The following EFCAB6 variants were observed in gnomAD, a reference collection of about 807,000 sequenced individuals.
The protein encoded by EFCAB6 is EF-hand calcium binding domain 6.
Under a neutral mutation model 169.8 loss-of-function variants are expected in EFCAB6, and 156 were observed. The ratio of observed to expected loss-of-function variants is 0.92; its 90% CI spans 0.81 to 1.05. The LOEUF (loss-of-function observed/expected upper bound fraction) is 1.05. Among genes scored for constraint, EFCAB6 ranks in the 50% least tolerant of loss-of-function variants. The pLI is 0.00. For synonymous variants in EFCAB6, 698 were observed against 676.4 expected (o/e 1.03, Z -0.50); for missense variants, 1,800 against 1,829.1 (o/e 0.98, Z 0.29).
chr22:43,772,328 T>C (rs1451094489), intron 4 of EFCAB6, among the ~76,000 whole-genome samples: 1 of 152,136 alleles, frequency 6.6e-6, no homozygotes, highest in Non-Finnish European at 1.5e-5. Context: ...CAAATACATT[T>C]ATATGGACCC....
intron 30 of EFCAB6, among the ~76,000 whole-genome samples, chr22:43,533,153 G>C (rs1360226544): frequency 3.9e-5 from 6 of 152,168 alleles, no homozygotes; most frequent in Admixed American, 3.9e-4. Context: ...AGTGGCTTTA[G>C]GTTTTCATTC....
chr22:43,602,604 A>G (rs552500196), intron 22 of EFCAB6, among the ~76,000 whole-genome samples: 1 of 152,260 alleles, frequency 6.6e-6, no homozygotes, highest in South Asian at 2.1e-4. Flanking sequence ...GGACAATGTA[A>G]TAATGCAACT....
intron 8 of EFCAB6, among the ~76,000 whole-genome samples, chr22:43,729,999 ATTT>A (rs201344400): frequency 6.8e-6 from 1 of 146,228 alleles, no homozygotes; most frequent in Non-Finnish European, 1.5e-5. Context: ...TGTCTCTAGA[ATTT>A]TTTTTTTTAA....
At chr22:43,544,065 C>T (rs1276628868) in intron 27 of EFCAB6, among the ~76,000 whole-genome samples, 1 of 152,000 alleles carries the variant, frequency 6.6e-6, no homozygotes, top group African/African-American at 2.4e-5. Context: ...ACAACTACTT[C>T]TTCACTCCAC....
intron 27 of EFCAB6, among the ~76,000 whole-genome samples, chr22:43,546,009 A>C (rs758421184): frequency 6.6e-6 from 1 of 152,222 alleles, no homozygotes; most frequent in Non-Finnish European, 1.5e-5. Flanking sequence ...ACAGATTTAG[A>C]CTTCAGATAT....
At chr22:43,695,231 T>A (rs2058532463) in intron 10 of EFCAB6, among the ~76,000 whole-genome samples, 1 of 152,014 alleles carries the variant, frequency 6.6e-6, no homozygotes, top group Non-Finnish European at 1.5e-5. Flanking sequence ...AAAATGAAAT[T>A]TTAAAAAATT....
rs1345395622 is a variant in EFCAB6 at position 43,628,914 on chromosome 22, C to G, written c.2233-2235G>C. 6.6e-6 allele frequency among the ~76,000 whole-genome samples: 1 copy of G among 152,194 alleles called. No individual in the cohort carries two copies. Among genetic ancestry groups the G allele is most frequent in the Non-Finnish European group, 1.5e-5 (1 of 68,044 alleles). ...GATCTGTTCCCTGTTGCAGCTCCAG[C>G]TCTCCGAGCCATGCTCACCATAACG... is the stretch of plus-strand genomic sequence containing the variant. On this transcript the variant is annotated intron_variant, in intron 19 of 31. Transcript: ENST00000262726. The surrounding 1 kb of genome is among the most constrained non-coding windows in gnomAD (Gnocchi z 4.8).
intron 17 of EFCAB6, among the ~76,000 whole-genome samples, chr22:43,666,482 T>C (rs1299462738): frequency 6.6e-6 from 1 of 152,234 alleles, no homozygotes; most frequent in Non-Finnish European, 1.5e-5. Flanking sequence ...TGGACACTGC[T>C]ACATATTAAC....
chr22:43,672,133 C>G lies in EFCAB6; in HGVS notation c.1480G>C (p.Val494Leu), dbSNP rs1355890939. The stretch of plus-strand genomic sequence containing the variant: ...ATTGTATCATGAACAATTTCTTCCA[C>G]CTAACATTAAAAAACAAACATATTT... ...KTPFLLAWDS[V>L]EEIVHDTITR... The change falls in exon 15 of 32, where the codon GTG (valine) becomes CTG (leucine). Residue 494 changes from valine (V) to leucine (L), a missense_variant and splice_region_variant. Coordinates refer to ENST00000262726, the MANE Select transcript of EFCAB6 (RefSeq NM_022785.4). The G allele has an allele frequency of 6.2e-7, 1 of 1,612,814 alleles. No homozygotes were observed. The highest frequency in any genetic ancestry group is 1.3e-5 in the African/African-American group (1 of 74,768).
intron 10 of EFCAB6, among the ~76,000 whole-genome samples, chr22:43,705,831 T>C (rs1269941371): frequency 6.6e-6 from 1 of 151,062 alleles, no homozygotes; most frequent in African/African-American, 2.4e-5. Context: ...CTCAAGGAAA[T>C]AGAAAAAAAG....
At chr22:43,540,516 T>G (rs2047647398) in intron 27 of EFCAB6, 159 bp from the exon 28 acceptor site, 2 of 1,532,334 alleles carry the variant, frequency 1.3e-6, no homozygotes, top group African/African-American at 2.7e-5. Flanking sequence ...CCATTTGGCC[T>G]TCGCTCGGCG....
At chr22:43,700,749 A>C (rs2058738562) in intron 10 of EFCAB6, among the ~76,000 whole-genome samples, 1 of 152,188 alleles carries the variant, frequency 6.6e-6, no homozygotes, top group Non-Finnish European at 1.5e-5. Context: ...TCTTTCACTT[A>C]GCACAATGTC....
intron 17 of EFCAB6, among the ~76,000 whole-genome samples, chr22:43,647,543 T>C (rs1006737410): frequency 1.1e-4 from 16 of 152,182 alleles, no homozygotes; most frequent in African/African-American, 2.4e-4. Context: ...GTCGGTTGAA[T>C]TGTGTACCCC....
At chr22:43,695,635 T>C (rs1174727113) in intron 10 of EFCAB6, among the ~76,000 whole-genome samples, 3 of 152,082 alleles carry the variant, frequency 2.0e-5, no homozygotes, top group East Asian at 1.9e-4. Context: ...GATGCGAGAA[T>C]AGACCGACAG....
intron 24 of EFCAB6, among the ~76,000 whole-genome samples, chr22:43,588,166 T>A (rs78137317): frequency 1.4e-3 from 212 of 152,320 alleles, no homozygotes; most frequent in Non-Finnish European, 2.6e-3. Flanking sequence ...CAGAGTACCA[T>A]ACATTTCAAT....
chr22:43,561,539 A>G (rs1019390938), intron 26 of EFCAB6, among the ~76,000 whole-genome samples: 11 of 151,742 alleles, frequency 7.2e-5, no homozygotes, highest in African/African-American at 2.7e-4. Context: ...AGAGAACCAC[A>G]CCGCCCCGCC....
At chr22:43,621,640 A>C (rs1222483422) in intron 20 of EFCAB6, among the ~76,000 whole-genome samples, 2 of 152,152 alleles carry the variant, frequency 1.3e-5, no homozygotes, top group African/African-American at 4.8e-5. Flanking sequence ...CAATTTAAGA[A>C]ATATAAAAGA....
At chr22:43,768,024 G>A (rs1569479406) in intron 4 of EFCAB6, among the ~76,000 whole-genome samples, 1 of 152,212 alleles carries the variant, frequency 6.6e-6, no homozygotes, top group Non-Finnish European at 1.5e-5. Flanking sequence ...CCGTCATTGT[G>A]ATAAGTATCT....
chr22:43,715,961 ATC>A (rs2059320405), intron 9 of EFCAB6, among the ~76,000 whole-genome samples: 1 of 152,218 alleles, frequency 6.6e-6, no homozygotes, highest in Non-Finnish European at 1.5e-5. Context: ...GGAATTATTC[ATC>A]TGTCATTTAT....
Sources: allele counts gnomAD v4.1 joint callset (sites outside exome capture counted in the v4.1 genomes callset), GRCh38; gene constraint gnomAD v4.1.1; non-coding constraint Gnocchi (gnomAD v3.1); transcripts MANE v1.5; gene names NCBI Gene and HGNC (gene_info 2026-07-23, HGNC 2026-07-21).